HNF4G: variants seen among roughly 807,000 people sequenced by gnomAD.
The protein encoded by HNF4G is hepatocyte nuclear factor 4-gamma.
Under a neutral mutation model 50.9 loss-of-function variants are expected in HNF4G, and 21 were observed. The observed-to-expected ratio is 0.41, with a 90% confidence interval of 0.29 to 0.59. HNF4G has a LOEUF of 0.59. Among genes scored for constraint, HNF4G ranks in the 20% least tolerant of loss-of-function variants. HNF4G has a pLI of 0.26. For missense variants in HNF4G, 527 were observed against 559.4 expected, an observed-to-expected ratio of 0.94 and a Z score of 0.58; for synonymous variants, 198 against 185.6, an observed-to-expected ratio of 1.07 and a Z score of -0.54.
At chr8:75,482,659 C>T (rs1812407849) in intron 1 of HNF4G, among the ~76,000 whole-genome samples, 1 of 152,030 alleles carries the variant, frequency 6.6e-6, no homozygotes, top group South Asian at 2.1e-4. Flanking sequence ...TGAGCCACCG[C>T]CCCCCGGCTG....
intron 2 of HNF4G, among the ~76,000 whole-genome samples, chr8:75,545,279 A>C (rs2130791396): frequency 9.1e-6 from 1 of 109,614 alleles, no homozygotes; most frequent in African/African-American, 3.5e-5. Context: ...GTGTAAAATG[A>C]TGATCCAAAC....
chr8:75,424,804 C>G (rs1810854231), intron 1 of HNF4G, among the ~76,000 whole-genome samples: 1 of 152,036 alleles, frequency 6.6e-6, no homozygotes, highest in South Asian at 2.1e-4. Context: ...TGATGGACAC[C>G]AAGGTTGATG....
upstream of HNF4G, among the ~76,000 whole-genome samples, chr8:75,536,501 C>T (rs897110790): frequency 8.4e-4 from 127 of 151,884 alleles, 1 homozygote; most frequent in African/African-American, 3.0e-3. Flanking sequence ...AATGAATTTA[C>T]CCATGTAAAG....
At chr8:75,479,307 A>G (rs777102391) in intron 1 of HNF4G, among the ~76,000 whole-genome samples, 6 of 152,208 alleles carry the variant, frequency 3.9e-5, no homozygotes, top group Non-Finnish European at 4.4e-5. Flanking sequence ...ATATGGTACC[A>G]ATCAAATCTT....
intron 1 of HNF4G, among the ~76,000 whole-genome samples, chr8:75,475,031 C>T (rs976318388): frequency 9.0e-5 from 13 of 144,112 alleles, no homozygotes; most frequent in South Asian, 2.2e-4. Flanking sequence ...TTTTTTGAGA[C>T]GGAGTCTTGC....
intron 1 of HNF4G, among the ~76,000 whole-genome samples, chr8:75,452,396 T>C (rs1811604905): frequency 6.6e-6 from 1 of 152,086 alleles, no homozygotes; most frequent in Non-Finnish European, 1.5e-5. Context: ...TTGTCTTCAC[T>C]TTCCAAATAA....
At chr8:75,482,491 C>T (rs1812404162) in intron 1 of HNF4G, among the ~76,000 whole-genome samples, 1 of 152,042 alleles carries the variant, frequency 6.6e-6, no homozygotes, top group Non-Finnish European at 1.5e-5. Flanking sequence ...CTCAGCCTCC[C>T]GAGTAGCTGG....
chr8:75,508,395 T>G (rs1805656438), intron 2 of HNF4G, among the ~76,000 whole-genome samples: 1 of 150,778 alleles, frequency 6.6e-6, no homozygotes, highest in East Asian at 1.9e-4. Flanking sequence ...GGAAGTTAGA[T>G]CTCCATCTTA....
chr8:75,421,915 T>G (rs1810783484), intron 1 of HNF4G, among the ~76,000 whole-genome samples: 1 of 152,140 alleles, frequency 6.6e-6, no homozygotes, highest in Admixed American at 6.5e-5. Context: ...CCCTGGAAAC[T>G]ACTCTTTTTT....
intron 2 of HNF4G, among the ~76,000 whole-genome samples, chr8:75,497,269 T>A (rs991888794): frequency 6.6e-6 from 1 of 152,140 alleles, no homozygotes; most frequent in African/African-American, 2.4e-5. Context: ...ATCTGATTCC[T>A]TGTAAAAGGA....
chr8:75,499,950 A>G (rs993817764), intron 2 of HNF4G, among the ~76,000 whole-genome samples: 1 of 152,112 alleles, frequency 6.6e-6, no homozygotes, highest in African/African-American at 2.4e-5. Context: ...AAGAAAACAT[A>G]TTCATGAGCT....
At chr8:75,471,539 T>C (rs13271673) in intron 1 of HNF4G, among the ~76,000 whole-genome samples, 64,038 of 152,054 alleles carry the variant, frequency 0.42, 15,911 homozygotes, top group African/African-American at 0.7. Flanking sequence ...GACTCAACAG[T>C]CCTCTGAAAG....
At chr8:75,468,383 G>T (rs779398252) in intron 1 of HNF4G, among the ~76,000 whole-genome samples, 82 of 152,174 alleles carry the variant, frequency 5.4e-4, no homozygotes, top group Admixed American at 3.2e-3. Flanking sequence ...TTCATTTAAT[G>T]AATTAAAAGG....
chr8:75,459,008 G>A (rs964144086), intron 1 of HNF4G, among the ~76,000 whole-genome samples: 1 of 151,988 alleles, frequency 6.6e-6, no homozygotes, highest in Non-Finnish European at 1.5e-5. Context: ...ATTCAAACTA[G>A]AATATGAAAT....
intron 1 of HNF4G, 46 bp from the exon 2 acceptor site, chr8:75,543,765 G>C (rs1334507763): frequency 6.7e-7 from 1 of 1,502,036 alleles, no homozygotes; most frequent in Non-Finnish European, 9.1e-7. Flanking sequence ...AATTTAGTCA[G>C]GAAATAGTAC....
chr8:75,536,285 T>C (rs563554539), upstream of HNF4G, among the ~76,000 whole-genome samples: 81 of 152,092 alleles, frequency 5.3e-4, no homozygotes, highest in African/African-American at 1.9e-3. Context: ...AAATTACTGT[T>C]TTATGTATTG....
chr8:75,464,426 C>T (rs1327402127), intron 1 of HNF4G, among the ~76,000 whole-genome samples: 2 of 152,008 alleles, frequency 1.3e-5, no homozygotes, highest in African/African-American at 4.8e-5. Context: ...ACTAAATTTG[C>T]CTTTATCTTA....
intron 1 of HNF4G, among the ~76,000 whole-genome samples, chr8:75,441,091 C>A (rs1226432528): frequency 6.6e-6 from 1 of 152,070 alleles, no homozygotes; most frequent in African/African-American, 2.4e-5. Context: ...ATTGCAGTTC[C>A]CAATCTAATT....
Position 75,519,681 on chromosome 8 carries a change from G to C in HNF4G, c.-23-24130G>C, listed in dbSNP as rs560776347. Reference sequence around the variant, plus strand: ...CCACTGGGTCCCTGTCATGACACATGGGAATTATGGGAGCTACAATTTAAT... The same window carrying C: ...CCACTGGGTCCCTGTCATGACACATCGGAATTATGGGAGCTACAATTTAAT... On this transcript the variant is annotated intron_variant, in intron 2 of 10. Transcript: ENST00000354370. Among the ~76,000 whole-genome samples, 2 of 152,128 alleles carry C rather than the reference G, an allele frequency of 1.3e-5. 1 individual carries two copies. The highest frequency in any genetic ancestry group is 4.1e-4 in the South Asian group (2 of 4,832).
Sources: allele counts gnomAD v4.1 joint callset (sites outside exome capture counted in the v4.1 genomes callset), GRCh38; gene constraint gnomAD v4.1.1; transcripts MANE v1.5; gene names NCBI Gene and HGNC (gene_info 2026-07-23, HGNC 2026-07-21).